The following AGBL1 variants were observed in gnomAD, a reference collection of about 807,000 sequenced individuals.
The protein encoded by AGBL1 is AGBL carboxypeptidase 1.
Under a neutral mutation model 118.9 loss-of-function variants are expected in AGBL1, and 130 were observed. The observed-to-expected ratio is 1.09, with a 90% CI of 0.95 to 1.26. The LOEUF (loss-of-function observed/expected upper bound fraction) is 1.26. Among genes scored for constraint, AGBL1 ranks in the 50% most tolerant of loss-of-function variants. The probability of loss-of-function intolerance (pLI) is 0.00; values close to 1 mark genes in which losing one functional copy is unlikely to be tolerated. For synonymous variants in AGBL1, 555 were observed against 478.9 expected, an observed-to-expected ratio of 1.16 and a Z score of -2.08; for missense variants, 1,584 against 1,298.1, an observed-to-expected ratio of 1.22 and a Z score of -3.38.
At chr15:86,234,794 G>C (rs10852074) in intron 6 of AGBL1, among the ~76,000 whole-genome samples, 31 of 152,070 alleles carry the variant, frequency 2.0e-4, no homozygotes, top group Admixed American at 1.3e-3. Flanking sequence ...ACTGGATCTT[G>C]GTACATCTCA....
At chr15:86,099,318 A>G (rs1043824291) in intron 1 of AGBL1, among the ~76,000 whole-genome samples, 3 of 152,088 alleles carry the variant, frequency 2.0e-5, no homozygotes, top group African/African-American at 4.8e-5. Context: ...TTTGGTAGCT[A>G]TTGTGAGATT....
At chr15:86,834,580 T>A (rs1022877857) in intron 22 of AGBL1, among the ~76,000 whole-genome samples, 2 of 152,146 alleles carry the variant, frequency 1.3e-5, no homozygotes, top group African/African-American at 4.8e-5. Context: ...CATGTGTGGA[T>A]CTGAGTGCTG....
rs139623299 is a variant in AGBL1 at position 86,370,850 on chromosome 15, T to C, written c.2375-26516T>C. Among the ~76,000 whole-genome samples the C allele has an allele frequency of 1.6e-4, 25 of 152,306 alleles. No individual in the cohort carries two copies. The East Asian group carries it at 4.6e-3, about 28-fold the overall frequency. On this transcript the variant is annotated intron_variant, in intron 17 of 22. Transcript: ENST00000614907. ...TTCCATGTAAGAGACTTGTGCATAG[T>C]AGGTGTGCAGTAAGTGTTCACAGAC... is the stretch of plus-strand genomic sequence containing the variant.
At chr15:86,666,457 A>G (rs932988259) in intron 21 of AGBL1, among the ~76,000 whole-genome samples, 27 of 152,288 alleles carry the variant, frequency 1.8e-4, no homozygotes, top group Admixed American at 7.9e-4. Context: ...GTTTTAGGAT[A>G]TAATCAGTCT....
chr15:86,562,807 G>A (rs1362373691), intron 21 of AGBL1, among the ~76,000 whole-genome samples: 1 of 152,098 alleles, frequency 6.6e-6, no homozygotes, highest in East Asian at 1.9e-4. Context: ...ATTAATTATT[G>A]CCTCAATTTC....
chr15:86,726,084 A>G (rs1034044960), intron 22 of AGBL1, among the ~76,000 whole-genome samples: 6 of 152,248 alleles, frequency 3.9e-5, no homozygotes, highest in African/African-American at 1.4e-4. Context: ...AGGATATAAT[A>G]GTGCTTGTTT....
At chr15:86,291,100 ATGT>A (rs2141758950) in intron 16 of AGBL1, among the ~76,000 whole-genome samples, 1 of 152,314 alleles carries the variant, frequency 6.6e-6, no homozygotes, top group East Asian at 1.9e-4. Flanking sequence ...ACCAACCCAA[ATGT>A]CCAACAGTGA....
intron 22 of AGBL1, among the ~76,000 whole-genome samples, chr15:86,899,677 A>G (rs1010112540): frequency 1.3e-5 from 2 of 152,208 alleles, no homozygotes; most frequent in African/African-American, 4.8e-5. Flanking sequence ...AAGACAATTC[A>G]TCTGAATTAG....
intron 22 of AGBL1, among the ~76,000 whole-genome samples, chr15:86,687,870 A>G (rs926779995): frequency 6.6e-6 from 1 of 152,102 alleles, no homozygotes; most frequent in African/African-American, 2.4e-5. Context: ...ACCCATACAC[A>G]CTGGCAGCCA....
intron 17 of AGBL1, among the ~76,000 whole-genome samples, chr15:86,370,453 C>T (rs747940004): frequency 3.3e-5 from 5 of 152,040 alleles, no homozygotes; most frequent in Admixed American, 6.6e-5. Flanking sequence ...TACAGGCACC[C>T]GCCATCATGA....
chr15:86,264,143 C>T (rs1440971493), intron 10 of AGBL1, 115 bp from the exon 11 acceptor site: 2 of 886,540 alleles, frequency 2.3e-6, no homozygotes, highest in Admixed American at 3.0e-5. Flanking sequence ...AAAAAGCTTC[C>T]ACATTCACAG....
At chr15:86,983,856 G>A (rs1000617) in intron 23 of AGBL1, among the ~76,000 whole-genome samples, 123,690 of 152,114 alleles carry the variant, frequency 0.81, 50,919 homozygotes, top group South Asian at 0.94. Context: ...ATTTATCCAT[G>A]TTGTTGTGTA....
intron 17 of AGBL1, among the ~76,000 whole-genome samples, chr15:86,369,360 A>G (rs2080936753): frequency 1.3e-5 from 2 of 152,188 alleles, no homozygotes; most frequent in Admixed American, 1.3e-4. Flanking sequence ...TGCATTGTAA[A>G]TACATAAATT....
intron 18 of AGBL1, among the ~76,000 whole-genome samples, chr15:86,398,056 T>C (rs2081393996): frequency 6.6e-6 from 1 of 152,200 alleles, no homozygotes; most frequent in African/African-American, 2.4e-5. Context: ...CAGGGAAATC[T>C]TTATTCTCAA....
rs1306274841 is a variant in AGBL1 at position 86,910,028 on chromosome 15, C to G, written c.*2734C>G. ...CAGATAAGAAAGACCTATTTTGTGC[C>G]CTCAGTAACCAGACAAAGAAGAACA... On this transcript the variant is annotated 3_prime_UTR_variant, in exon 23 of 23. Coordinates refer to ENST00000614907, the MANE Select transcript of AGBL1 (RefSeq NM_001386094.1). 6.6e-6 allele frequency: 1 copy of G among 152,112 alleles called. No homozygotes were observed. The highest frequency in any genetic ancestry group is 1.5e-5 in the Non-Finnish European group (1 of 68,034). 9.4% of individuals were successfully genotyped at this position (152,112 alleles called of 1,614,324 possible).
chr15:86,387,118 T>G (rs1213988246), intron 17 of AGBL1, among the ~76,000 whole-genome samples: 1 of 152,114 alleles, frequency 6.6e-6, no homozygotes, highest in Non-Finnish European at 1.5e-5. Flanking sequence ...CATGGTGAGT[T>G]GTACACAGTT....
intron 18 of AGBL1, among the ~76,000 whole-genome samples, chr15:86,474,461 C>T (rs531951912): frequency 7.0e-4 from 107 of 152,308 alleles, no homozygotes; most frequent in African/African-American, 2.2e-3. Context: ...CCCACACCCA[C>T]GGAGCCTCAC....
At chr15:86,329,451 A>T (rs1364509194) in intron 17 of AGBL1, among the ~76,000 whole-genome samples, 1 of 152,008 alleles carries the variant, frequency 6.6e-6, no homozygotes, top group Non-Finnish European at 1.5e-5. Flanking sequence ...TCTGTTCCAC[A>T]TGTAGACAAA....
chr15:86,354,726 A>G (rs2080685132), intron 17 of AGBL1, among the ~76,000 whole-genome samples: 1 of 152,188 alleles, frequency 6.6e-6, no homozygotes, highest in South Asian at 2.1e-4. Flanking sequence ...AATTCTGTGA[A>G]TGGGTTACTT....
Sources: allele counts gnomAD v4.1 joint callset (sites outside exome capture counted in the v4.1 genomes callset), GRCh38; gene constraint gnomAD v4.1.1; transcripts MANE v1.5; gene names NCBI Gene and HGNC (gene_info 2026-07-23, HGNC 2026-07-21).